The following SAMMSON variants were observed in gnomAD, a reference collection of about 807,000 sequenced individuals.
SAMMSON encodes long intergenic non-protein coding RNA 1212.
chr3:70,223,932 A>AC (rs1432442411), intron 4 of SAMMSON, among the ~76,000 whole-genome samples: 1 of 150,566 alleles, frequency 6.6e-6, no homozygotes, highest in Non-Finnish European at 1.5e-5. Flanking sequence ...CTCTCCCCCC[A>AC]CCCTTTTGGT....
At chr3:70,278,644 A>G (rs1182719364) in intron 6 of SAMMSON, among the ~76,000 whole-genome samples, 3 of 152,088 alleles carry the variant, frequency 2.0e-5, no homozygotes, top group Non-Finnish European at 4.4e-5. Context: ...TGGCTCTAGA[A>G]TATGTCTTTT....
intron 7 of SAMMSON, among the ~76,000 whole-genome samples, chr3:70,340,246 T>C (rs565117683): frequency 2.4e-5 from 2 of 84,568 alleles, no homozygotes; most frequent in East Asian, 7.8e-4. Flanking sequence ...CTGTCGTGGG[T>C]TGGGGGGAGG....
chr3:70,287,837 T>C (rs1702183397), intron 6 of SAMMSON, among the ~76,000 whole-genome samples: 1 of 151,810 alleles, frequency 6.6e-6, no homozygotes, highest in East Asian at 1.9e-4. Context: ...TTTTCTAGTT[T>C]ATTTGCGTAG....
At chr3:70,041,553 CATATATT>C (rs1462944331) in intron 3 of SAMMSON, among the ~76,000 whole-genome samples, 2 of 151,738 alleles carry the variant, frequency 1.3e-5, no homozygotes, top group African/African-American at 4.8e-5. Flanking sequence ...ACATTGGTGA[CATATATT>C]ATATATTAAG....
chr3:70,010,108 A>T (rs2066947398), intron 1 of SAMMSON, among the ~76,000 whole-genome samples: 1 of 152,082 alleles, frequency 6.6e-6, no homozygotes, highest in African/African-American at 2.4e-5. Flanking sequence ...AGAAGAATGT[A>T]TATTCTGTTG....
At chr3:70,230,414 G>A (rs867720012) in intron 4 of SAMMSON, among the ~76,000 whole-genome samples, 1 of 151,966 alleles carries the variant, frequency 6.6e-6, no homozygotes, top group East Asian at 1.9e-4. Flanking sequence ...GGTGTCAAAC[G>A]CTTATTTTTT....
At chr3:70,174,491 G>A (rs1182871908) in intron 4 of SAMMSON, among the ~76,000 whole-genome samples, 3 of 151,972 alleles carry the variant, frequency 2.0e-5, no homozygotes, top group Admixed American at 6.6e-5. Context: ...AAGGCATAAC[G>A]TAGAGATAAA....
At chr3:70,315,673 G>T (rs112036596) in intron 7 of SAMMSON, among the ~76,000 whole-genome samples, 21 of 152,142 alleles carry the variant, frequency 1.4e-4, no homozygotes, top group African/African-American at 4.6e-4. Context: ...AGTCTGGTTT[G>T]GACTAAGATT....
intron 9 of SAMMSON, among the ~76,000 whole-genome samples, chr3:70,359,223 G>T (rs986708867): frequency 2.0e-5 from 3 of 152,062 alleles, no homozygotes; most frequent in African/African-American, 7.2e-5. Flanking sequence ...AGTTGTAGGT[G>T]GTATGTAACT....
At chr3:70,392,830 G>A (rs970035716), downstream of SAMMSON, among the ~76,000 whole-genome samples, 1 of 152,098 alleles carries the variant, frequency 6.6e-6, no homozygotes, top group African/African-American at 2.4e-5. Flanking sequence ...ACTCAGGCCA[G>A]GTAATGATGT....
chr3:70,337,799 G>A (rs577854114), intron 7 of SAMMSON, among the ~76,000 whole-genome samples: 2 of 151,492 alleles, frequency 1.3e-5, no homozygotes, highest in South Asian at 2.1e-4. Context: ...AATGTTTATC[G>A]CTTTATCTTT....
chr3:70,307,402 T>G (rs1702412738), intron 7 of SAMMSON, among the ~76,000 whole-genome samples: 1 of 152,154 alleles, frequency 6.6e-6, no homozygotes, highest in Admixed American at 6.6e-5. Context: ...TTGATGTTTC[T>G]CTTCCGTATC....
chr3:70,147,228 A>C (rs1169040340), intron 4 of SAMMSON, among the ~76,000 whole-genome samples: 1 of 152,060 alleles, frequency 6.6e-6, no homozygotes, highest in Non-Finnish European at 1.5e-5. Flanking sequence ...TACATAGTGA[A>C]GATATCAATT....
chr3:70,078,278 A>G (rs994790763), intron 4 of SAMMSON, among the ~76,000 whole-genome samples: 6 of 152,142 alleles, frequency 3.9e-5, no homozygotes, highest in African/African-American at 1.4e-4. Context: ...TTCCAGTGTC[A>G]CCAGTTAGAT....
chr3:70,285,704 T>C (rs1168093474), intron 6 of SAMMSON, among the ~76,000 whole-genome samples: 1 of 150,156 alleles, frequency 6.7e-6, no homozygotes, highest in Non-Finnish European at 1.5e-5. Context: ...TTTCTCCACA[T>C]CCTCTCCAGC....
chr3:70,019,682 G>A (rs889659426), intron 3 of SAMMSON, among the ~76,000 whole-genome samples: 5 of 152,114 alleles, frequency 3.3e-5, no homozygotes, highest in Admixed American at 6.6e-5. Context: ...TAGCATCGAC[G>A]GTCTTTACAA....
At chr3:70,016,699 C>A (rs1336352581) in intron 3 of SAMMSON, among the ~76,000 whole-genome samples, 1 of 152,138 alleles carries the variant, frequency 6.6e-6, no homozygotes, top group East Asian at 1.9e-4. Context: ...AGATTTTCTT[C>A]TAGGGTTTTT....
At chr3:70,383,539 G>A (rs1703091957) in intron 9 of SAMMSON, among the ~76,000 whole-genome samples, 1 of 151,884 alleles carries the variant, frequency 6.6e-6, no homozygotes, top group South Asian at 2.1e-4. Flanking sequence ...TTAAGTCCCG[G>A]TGTCAGTGCC....
At chr3:70,175,781 T>G (rs1427561086) in intron 4 of SAMMSON, among the ~76,000 whole-genome samples, 1 of 152,084 alleles carries the variant, frequency 6.6e-6, no homozygotes, top group African/African-American at 2.4e-5. Flanking sequence ...ACTATTGCAT[T>G]ATAACAAGAC....
Sources: allele counts gnomAD v4.1 joint callset (sites outside exome capture counted in the v4.1 genomes callset), GRCh38; gene constraint gnomAD v4.1.1; transcripts MANE v1.5; gene names NCBI Gene and HGNC (gene_info 2026-07-23, HGNC 2026-07-21).